DLEU7: variants seen among roughly 807,000 people sequenced by gnomAD.
DLEU7 encodes deleted in lymphocytic leukemia 7.
In DLEU7, 17 loss-of-function variants were observed where a neutral mutation model predicts 16.0. The ratio of observed to expected loss-of-function variants is 1.06; its 90% CI spans 0.73 to 1.59. The LOEUF (loss-of-function observed/expected upper bound fraction) is 1.59, where lower values mean the gene tolerates loss of function less well. Ranked by LOEUF, DLEU7 falls within the 40% of genes most tolerant of loss-of-function variation. The probability of loss-of-function intolerance (pLI) is 0.00; values close to 1 mark genes in which losing one functional copy is unlikely to be tolerated. For missense variants in DLEU7, 308 were observed against 314.9 expected (o/e 0.98, Z 0.17); for synonymous variants, 113 against 139.8 (o/e 0.81, Z 1.35).
At chr13:50,755,231 T>C (rs1171876254) in intron 1 of DLEU7, among the ~76,000 whole-genome samples, 2 of 152,250 alleles carry the variant, frequency 1.3e-5, no homozygotes, top group Non-Finnish European at 2.9e-5. Flanking sequence ...TTTGAATGTC[T>C]ATGTCTCTAG....
chr13:50,843,704 C>CG, upstream of DLEU7: 1 of 1,475,440 alleles, frequency 6.8e-7, no homozygotes, highest in Non-Finnish European at 8.9e-7. The surrounding 1 kb of genome is among the most constrained non-coding windows in gnomAD (Gnocchi z 5.7). Context: ...GCGAGGGAGG[C>CG]GGGGGCGTTG....
rs986646576 is a variant in DLEU7 at position 50,718,442 on chromosome 13, C to T, written c.460-5202G>A. 4.6e-5 allele frequency among the ~76,000 whole-genome samples: 7 copies of T among 152,228 alleles called. No homozygotes were observed. In the South Asian group the frequency reaches 1.5e-3, roughly 32 times the overall value. On this transcript the variant is annotated intron_variant, in intron 1 of 1. Coordinates refer to the DLEU7 transcript ENST00000400393. ...GAAGTCCTGTGAAGACCAAAGGCTCCCCACTCTGGTGATTAGAATGAGGGG... is the reference window on the plus strand; with the variant it reads ...GAAGTCCTGTGAAGACCAAAGGCTCTCCACTCTGGTGATTAGAATGAGGGG...
intron 1 of DLEU7, among the ~76,000 whole-genome samples, chr13:50,809,149 C>T (rs1389785894): frequency 6.6e-6 from 1 of 152,138 alleles, no homozygotes; most frequent in Admixed American, 6.5e-5. Flanking sequence ...CTTTCCTCAC[C>T]AACCGGCAGC....
chr13:50,739,985 A>G (rs605294), intron 1 of DLEU7, among the ~76,000 whole-genome samples: 15,464 of 152,120 alleles, frequency 0.1, 1,678 homozygotes, highest in African/African-American at 0.26. Flanking sequence ...GAGAATGTGT[A>G]GAGAGTTGAT....
At chr13:50,728,166 G>A (rs1336194014) in intron 1 of DLEU7, among the ~76,000 whole-genome samples, 1 of 152,214 alleles carries the variant, frequency 6.6e-6, no homozygotes, top group Admixed American at 6.5e-5. Context: ...GAAGAAGCTA[G>A]TCCTTAGGTT....
intron 1 of DLEU7, among the ~76,000 whole-genome samples, chr13:50,774,102 C>T (rs1324614856): frequency 6.6e-6 from 1 of 152,012 alleles, no homozygotes; most frequent in Non-Finnish European, 1.5e-5. Flanking sequence ...CCTGGTGTGC[C>T]GTTTGCTAAG....
At chr13:50,814,067 T>C (rs956138358) in intron 1 of DLEU7, among the ~76,000 whole-genome samples, 5 of 152,160 alleles carry the variant, frequency 3.3e-5, no homozygotes, top group South Asian at 2.1e-4. Context: ...ATTTTGATAA[T>C]AGTCATTTTT....
intron 1 of DLEU7, among the ~76,000 whole-genome samples, chr13:50,752,145 A>G (rs1228364785): frequency 6.8e-6 from 1 of 147,444 alleles, no homozygotes; most frequent in African/African-American, 2.5e-5. Flanking sequence ...TCTGCCTCCC[A>G]GGTTCAGGCC....
At chr13:50,728,348 T>C (rs1183987797) in intron 1 of DLEU7, among the ~76,000 whole-genome samples, 3 of 152,206 alleles carry the variant, frequency 2.0e-5, no homozygotes, top group African/African-American at 7.2e-5. Flanking sequence ...TCCTATGTGA[T>C]GTTAATAGGA....
At chr13:50,808,755 C>T (rs1876473656) in intron 1 of DLEU7, 1 of 151,712 alleles carries the variant, frequency 6.6e-6, no homozygotes, top group South Asian at 2.1e-4. Flanking sequence ...GGTTTAGGAG[C>T]CAAGAGTTAT....
chr13:50,773,253 CTGAAGCCTACTTTTGTTAA>C (rs1192442995), intron 1 of DLEU7, among the ~76,000 whole-genome samples: 8 of 152,194 alleles, frequency 5.3e-5, no homozygotes, highest in African/African-American at 1.9e-4. Flanking sequence ...TACCGACCTT[CTGAAGCCTACTTTTGTTAA>C]CCCATCAAAG....
chr13:50,755,104 G>T (rs1021127218), intron 1 of DLEU7, among the ~76,000 whole-genome samples: 3 of 152,322 alleles, frequency 2.0e-5, no homozygotes, highest in East Asian at 1.9e-4. Flanking sequence ...TGGTGCCTTT[G>T]TCTCATAGCT....
At chr13:50,775,201 T>C (rs1875458262) in intron 1 of DLEU7, among the ~76,000 whole-genome samples, 1 of 152,044 alleles carries the variant, frequency 6.6e-6, no homozygotes, top group Non-Finnish European at 1.5e-5. Flanking sequence ...TGATGTTTTA[T>C]GGAGACTGGA....
At chr13:50,767,422 C>CCGCAG (rs1875151753) in intron 1 of DLEU7, among the ~76,000 whole-genome samples, 1 of 137,642 alleles carries the variant, frequency 7.3e-6, no homozygotes, top group Non-Finnish European at 1.5e-5. Flanking sequence ...CGCCACTGCA[C>CCGCAG]TCCAGCCTGG....
chr13:50,778,226 A>G (rs1875558947), intron 1 of DLEU7, among the ~76,000 whole-genome samples: 1 of 152,174 alleles, frequency 6.6e-6, no homozygotes, highest in Non-Finnish European at 1.5e-5. Flanking sequence ...CAAAGGGGGA[A>G]CTGGCACACA....
At chr13:50,792,532 A>G (rs964400376) in intron 1 of DLEU7, among the ~76,000 whole-genome samples, 2 of 152,158 alleles carry the variant, frequency 1.3e-5, no homozygotes, top group South Asian at 4.1e-4. Context: ...CAGCAGTCCT[A>G]ACTGAGTGTC....
At chr13:50,762,800 G>GA (rs34858154) in intron 1 of DLEU7, among the ~76,000 whole-genome samples, 2,507 of 119,280 alleles carry the variant, frequency 0.021, 27 homozygotes, top group South Asian at 0.059. Flanking sequence ...TATTGTGCTA[G>GA]AAAAAAAAAA....
intron 1 of DLEU7, among the ~76,000 whole-genome samples, chr13:50,841,169 G>A (rs1877646369): frequency 6.6e-6 from 1 of 152,056 alleles, no homozygotes; most frequent in Non-Finnish European, 1.5e-5. Flanking sequence ...AGGCTTCTGT[G>A]ATTTACCTAC....
At chr13:50,825,219 C>A (rs1255818979) in intron 1 of DLEU7, among the ~76,000 whole-genome samples, 1 of 151,860 alleles carries the variant, frequency 6.6e-6, no homozygotes, top group Non-Finnish European at 1.5e-5. Context: ...TTTCTTGTTA[C>A]CAATTATAAA....
Sources: allele counts gnomAD v4.1 joint callset (sites outside exome capture counted in the v4.1 genomes callset), GRCh38; gene constraint gnomAD v4.1.1; non-coding constraint Gnocchi (gnomAD v3.1); transcripts MANE v1.5; gene names NCBI Gene and HGNC (gene_info 2026-07-23, HGNC 2026-07-21).